The following SLC24A3 variants were observed in gnomAD, a reference collection of about 807,000 sequenced individuals.
SLC24A3 encodes the protein sodium/potassium/calcium exchanger 3.
In SLC24A3, 28 loss-of-function variants were observed where a neutral mutation model predicts 75.8. The ratio of observed to expected loss-of-function variants is 0.37; its 90% CI spans 0.27 to 0.51. The LOEUF (loss-of-function observed/expected upper bound fraction) is 0.51, where lower values mean the gene tolerates loss of function less well. SLC24A3 is among the 20% of genes least tolerant of loss of function. The probability of loss-of-function intolerance (pLI) is 0.94; values close to 1 mark genes in which losing one functional copy is unlikely to be tolerated. For synonymous variants in SLC24A3, 372 were observed against 334.1 expected (o/e 1.11, Z -1.24); for missense variants, 663 against 847.8 (o/e 0.78, Z 2.71).
intron 3 of SLC24A3, among the ~76,000 whole-genome samples, chr20:19,566,860 T>G (rs2030966853): frequency 6.6e-6 from 1 of 152,182 alleles, no homozygotes; most frequent in Non-Finnish European, 1.5e-5. Flanking sequence ...TTTTCAAAAA[T>G]GAACTTTTTT....
chr20:19,627,540 A>T (rs911520285), intron 6 of SLC24A3, among the ~76,000 whole-genome samples: 1 of 151,992 alleles, frequency 6.6e-6, no homozygotes, highest in Non-Finnish European at 1.5e-5. Flanking sequence ...TGGACTGAGG[A>T]TGGGGGGAAA....
At chr20:19,476,474 A>G (rs1987963668) in intron 2 of SLC24A3, among the ~76,000 whole-genome samples, 1 of 152,240 alleles carries the variant, frequency 6.6e-6, no homozygotes, top group African/African-American at 2.4e-5. Flanking sequence ...ATCAATACCA[A>G]AAACATGATC....
intron 6 of SLC24A3, among the ~76,000 whole-genome samples, chr20:19,597,318 T>C (rs186804196): frequency 4.7e-4 from 71 of 152,218 alleles, no homozygotes; most frequent in African/African-American, 1.6e-3. Context: ...GCCTGGGTAG[T>C]TGAGGCTGCA....
intron 6 of SLC24A3, among the ~76,000 whole-genome samples, chr20:19,589,020 A>C (rs1414931050): frequency 1.3e-5 from 2 of 152,242 alleles, no homozygotes; most frequent in Non-Finnish European, 2.9e-5. Context: ...CCTTTCTTCA[A>C]ATAATACTGG....
At chr20:19,293,701 A>G (rs1008966359) in intron 2 of SLC24A3, among the ~76,000 whole-genome samples, 1 of 151,950 alleles carries the variant, frequency 6.6e-6, no homozygotes, top group African/African-American at 2.4e-5. Context: ...AGGATGCCCA[A>G]GCAAAATTAC....
At chr20:19,361,911 A>G (rs1432258922) in intron 2 of SLC24A3, among the ~76,000 whole-genome samples, 2 of 152,194 alleles carry the variant, frequency 1.3e-5, no homozygotes, top group Non-Finnish European at 2.9e-5. Context: ...GAAAACTAAC[A>G]AGTTCAGCCT....
At chr20:19,237,444 C>T (rs558476211) in intron 1 of SLC24A3, among the ~76,000 whole-genome samples, 1 of 152,286 alleles carries the variant, frequency 6.6e-6, no homozygotes, top group East Asian at 1.9e-4. Context: ...TGTGCCGTCC[C>T]TTTCAAGTCA....
intron 2 of SLC24A3, among the ~76,000 whole-genome samples, chr20:19,421,771 T>C (rs1018273487): frequency 2.0e-5 from 3 of 152,196 alleles, no homozygotes; most frequent in Non-Finnish European, 2.9e-5. Context: ...GGCCATGGGC[T>C]TCGCGCCTCA....
rs541957636 is a variant in SLC24A3, at chr20:19,535,054, G to T, written c.348+19490G>T. 3.9e-5 allele frequency among the ~76,000 whole-genome samples: 6 copies of T among 152,272 alleles called. No homozygotes were observed. In the South Asian group the frequency reaches 1.2e-3, roughly 32 times the overall value. On this transcript the variant is annotated intron_variant, in intron 3 of 16. Transcript: ENST00000328041. ...AGCTGGGTTTTCAAAATTGACCACAGAACTCTTTTTAACAGAGTATTTTAC... is the reference window on the plus strand; with the variant it reads ...AGCTGGGTTTTCAAAATTGACCACATAACTCTTTTTAACAGAGTATTTTAC...
At chr20:19,436,028 T>A (rs117604855) in intron 2 of SLC24A3, among the ~76,000 whole-genome samples, 8 of 152,282 alleles carry the variant, frequency 5.3e-5, no homozygotes, top group Non-Finnish European at 1.2e-4. Context: ...TGGTTTAAGA[T>A]CTTCCTCAGT....
At chr20:19,386,116 A>C (rs540683127) in intron 2 of SLC24A3, among the ~76,000 whole-genome samples, 1 of 152,142 alleles carries the variant, frequency 6.6e-6, no homozygotes, top group South Asian at 2.1e-4. Flanking sequence ...CATACTTTCT[A>C]GTGTGTGGAC....
At chr20:19,339,086 C>T (rs1002906411) in intron 2 of SLC24A3, among the ~76,000 whole-genome samples, 3 of 151,744 alleles carry the variant, frequency 2.0e-5, no homozygotes, top group East Asian at 1.9e-4. Context: ...CTTGCTGAGT[C>T]GTGGAGAAGC....
chr20:19,522,364 G>A (rs1216918894), intron 3 of SLC24A3, among the ~76,000 whole-genome samples: 1 of 152,206 alleles, frequency 6.6e-6, no homozygotes, highest in Non-Finnish European at 1.5e-5. Flanking sequence ...AGAAGGCACT[G>A]CCAGGCCACC....
Position 19,538,481 on chromosome 20 carries a change from A to G in SLC24A3, c.348+22917A>G, listed in dbSNP as rs555530147. ...AAAAAAGCAAAAAGACTTGAACTTC[A>G]TAGATGAGAATGTTCAAATGGCCAA... On this transcript the variant is annotated intron_variant, in intron 3 of 16. Coordinates refer to ENST00000328041, the MANE Select transcript of SLC24A3 (RefSeq NM_020689.4). 4.6e-5 allele frequency among the ~76,000 whole-genome samples: 7 copies of G among 152,360 alleles called. No individual in the cohort carries two copies. The South Asian group carries it at 1.2e-3, about 27-fold the overall frequency.
intron 6 of SLC24A3, among the ~76,000 whole-genome samples, chr20:19,649,509 ACT>A: frequency 6.6e-6 from 1 of 151,934 alleles, no homozygotes; most frequent in Admixed American, 6.6e-5. Context: ...TTTTATAGTA[ACT>A]CTTTTTTTGC....
chr20:19,338,462 T>A (rs1446683368), intron 2 of SLC24A3, among the ~76,000 whole-genome samples: 14 of 152,340 alleles, frequency 9.2e-5, no homozygotes, highest in Non-Finnish European at 1.8e-4. Flanking sequence ...TGAGGCTGTG[T>A]CTGCAGATTG....
chr20:19,603,697 T>C (rs79101153), intron 6 of SLC24A3, among the ~76,000 whole-genome samples: 4,102 of 152,304 alleles, frequency 0.027, 168 homozygotes, highest in African/African-American at 0.094. Context: ...TTTTTTATTA[T>C]TCCTTAAATT....
At chr20:19,522,274 T>C (rs1220185769) in intron 3 of SLC24A3, among the ~76,000 whole-genome samples, 1 of 152,148 alleles carries the variant, frequency 6.6e-6, no homozygotes, top group Non-Finnish European at 1.5e-5. Context: ...GAAAAGGTTG[T>C]CAGCAAAGAG....
At chr20:19,480,526 T>C (rs1210209633) in intron 2 of SLC24A3, among the ~76,000 whole-genome samples, 2 of 152,142 alleles carry the variant, frequency 1.3e-5, no homozygotes, top group Non-Finnish European at 2.9e-5. Flanking sequence ...CTAGTTGGGG[T>C]CTTGCCTACC....
Sources: gnomAD v4.1 joint callset for allele counts (sites outside exome capture counted in the v4.1 genomes callset) on GRCh38, gnomAD v4.1.1 for gene constraint, MANE v1.5 for transcripts, NCBI Gene and HGNC (gene_info 2026-07-23, HGNC 2026-07-21) for gene names.